The following NHSL2 variants were observed in gnomAD, a reference collection of about 807,000 sequenced individuals.
The protein encoded by NHSL2 is NHS-like protein 2.
NHSL2 carries 27 observed loss-of-function variants against 53.4 expected under a neutral mutation model. The observed-to-expected ratio is 0.51, with a 90% CI of 0.37 to 0.70. The LOEUF is 0.70. Ranked by LOEUF, NHSL2 falls within the 30% of genes least tolerant of loss-of-function variation. The pLI is 0.00. For synonymous variants in NHSL2, 408 were observed against 404.1 expected (o/e 1.01, Z -0.12); for missense variants, 892 against 980.1 (o/e 0.91, Z 1.20).
At chrX:71,972,001 A>G (rs926997672) in intron 1 of NHSL2, among the ~76,000 whole-genome samples, 1 of 110,528 alleles carries the variant, frequency 9.0e-6, no homozygotes, top group Admixed American at 9.6e-5. Flanking sequence ...CAATGGATTC[A>G]CTTAGTATTT....
Position 72,140,587 on chromosome X carries a change from G to A in NHSL2, c.3039G>A (p.Leu1013=). The change falls in exon 6 of 8, where the codon CTG becomes CTA. Residue 1013 remains leucine (L), a synonymous_variant. Transcript: ENST00000633930. ...PVPKKPSVLY[L]PLTSPTAQME... ...CAAAAAAACCCAGCGTGCTGTACCT[G>A]CCTCTCACTTCTCCCACAGCTCAAA... is the stretch of plus-strand genomic sequence containing the variant. 1 of 1,211,686 alleles carries A rather than the reference G, an allele frequency of 8.3e-7. No homozygotes were observed. Among genetic ancestry groups the A allele is most frequent in the South Asian group, 1.8e-5 (1 of 56,975 alleles).
chrX:72,056,431 A>C (rs1451622527), intron 1 of NHSL2, among the ~76,000 whole-genome samples: 2 of 111,870 alleles, frequency 1.8e-5, no homozygotes, highest in Non-Finnish European at 3.8e-5. Flanking sequence ...CTATTTACCA[A>C]CAGGCCTCCT....
At chrX:71,944,178 T>C (rs1271107770) in intron 1 of NHSL2, among the ~76,000 whole-genome samples, 1 of 112,365 alleles carries the variant, frequency 8.9e-6, no homozygotes, top group Non-Finnish European at 1.9e-5. Flanking sequence ...TGTCACATGC[T>C]CCCTCTTAGA....
chrX:71,938,972 G>A (rs1395042243), intron 1 of NHSL2, among the ~76,000 whole-genome samples: 11 of 112,614 alleles, frequency 9.8e-5, no homozygotes, highest in Non-Finnish European at 1.9e-4. Context: ...AGAAATTAGA[G>A]TCTAGTGGGG....
intron 1 of NHSL2, among the ~76,000 whole-genome samples, chrX:72,076,743 C>T (rs1340802514): frequency 1.8e-5 from 2 of 112,475 alleles, no homozygotes; most frequent in Non-Finnish European, 3.8e-5. Flanking sequence ...TACTTTCAAA[C>T]AATCTGGGCT....
intron 1 of NHSL2, among the ~76,000 whole-genome samples, chrX:71,962,556 A>G (rs2041872449): frequency 9.2e-6 from 1 of 108,112 alleles, no homozygotes; most frequent in Admixed American, 9.9e-5. Flanking sequence ...GTTTCTAGGA[A>G]CTTGGTTCTC....
chrX:72,047,553 T>G (rs1428427755), intron 1 of NHSL2, among the ~76,000 whole-genome samples: 1 of 112,192 alleles, frequency 8.9e-6, no homozygotes, highest in Non-Finnish European at 1.9e-5. Flanking sequence ...AAATCCTATC[T>G]GCCTATACTG....
intron 1 of NHSL2, among the ~76,000 whole-genome samples, chrX:71,953,004 G>A (rs746120691): frequency 5.6e-4 from 63 of 112,250 alleles, no homozygotes; most frequent in Middle Eastern, 9.2e-3. Context: ...AACAGTGAAT[G>A]CAGTCTGAAC....
chrX:72,015,632 T>C (rs541367095), intron 1 of NHSL2, among the ~76,000 whole-genome samples: 8 of 112,486 alleles, frequency 7.1e-5, no homozygotes, highest in African/African-American at 2.6e-4. Flanking sequence ...GTAGCAGTTT[T>C]GCTCAACTTC....
chrX:72,126,248 G>T (rs185991863), intron 1 of NHSL2, among the ~76,000 whole-genome samples: 21 of 111,809 alleles, frequency 1.9e-4, no homozygotes, highest in Non-Finnish European at 3.2e-4. Flanking sequence ...GGAGGCAGGG[G>T]GGGTAGGACA....
intron 1 of NHSL2, chrX:72,130,588 G>A (rs2042281149): frequency 1.7e-6 from 2 of 1,209,663 alleles, no homozygotes; most frequent in South Asian, 1.8e-5. Context: ...TCCAGGGAGC[G>A]GGATAGGCTT....
chrX:72,043,282 C>A (rs2042286176), intron 1 of NHSL2, among the ~76,000 whole-genome samples: 1 of 111,710 alleles, frequency 9.0e-6, no homozygotes, highest in Non-Finnish European at 1.9e-5. Flanking sequence ...TGCTTGAGGT[C>A]TCTGCAAATT....
chrX:71,919,452 GAA>G (rs2041645874), intron 1 of NHSL2, among the ~76,000 whole-genome samples: 1 of 112,385 alleles, frequency 8.9e-6, no homozygotes, highest in Admixed American at 9.4e-5. Flanking sequence ...GAAGCTTGCT[GAA>G]ATCCCTGGAT....
chrX:72,069,714 C>A, intron 1 of NHSL2: 1 of 937,144 alleles, frequency 1.1e-6, no homozygotes, highest in Non-Finnish European at 1.3e-6. Flanking sequence ...CCACAAGCAA[C>A]CGAGGAGTAA....
chrX:72,131,800 G>A (rs1211064863), intron 1 of NHSL2: 7 of 230,641 alleles, frequency 3.0e-5, no homozygotes, highest in African/African-American at 1.8e-4. Flanking sequence ...GGGGCCCGGA[G>A]GCGCCAGGCG....
At chrX:72,020,214 A>AT (rs1569472438) in intron 1 of NHSL2, among the ~76,000 whole-genome samples, 1 of 112,520 alleles carries the variant, frequency 8.9e-6, no homozygotes. Context: ...TAGTTCCTTG[A>AT]TTTTTTTATG....
At chrX:72,092,220 C>G (rs922588478) in intron 1 of NHSL2, among the ~76,000 whole-genome samples, 6 of 111,887 alleles carry the variant, frequency 5.4e-5, no homozygotes, top group Non-Finnish European at 1.1e-4. Context: ...CTGGCAGCCA[C>G]TGCTCTTCAC....
At chrX:72,004,213 G>A (rs1025576321) in intron 1 of NHSL2, among the ~76,000 whole-genome samples, 1 of 112,314 alleles carries the variant, frequency 8.9e-6, no homozygotes, top group Non-Finnish European at 1.9e-5. Flanking sequence ...AGACATGGGT[G>A]TGACTGTGGC....
At chrX:72,079,029 G>A (rs968704702) in intron 1 of NHSL2, among the ~76,000 whole-genome samples, 12 of 112,088 alleles carry the variant, frequency 1.1e-4, no homozygotes, top group African/African-American at 3.9e-4. Context: ...TAAGTCTCAC[G>A]CTGAGTCTCT....
Sources: gnomAD v4.1 joint callset for allele counts (sites outside exome capture counted in the v4.1 genomes callset) on GRCh38, gnomAD v4.1.1 for gene constraint, MANE v1.5 for transcripts, NCBI Gene and HGNC (gene_info 2026-07-23, HGNC 2026-07-21) for gene names.